The following LAPTM4B variants were observed in gnomAD, a reference collection of about 807,000 sequenced individuals.
The protein encoded by LAPTM4B is lysosomal-associated transmembrane protein 4B.
A neutral mutation model predicts 28.5 loss-of-function variants in LAPTM4B; 26 were observed. That is an observed-to-expected ratio of 0.91 (90% CI 0.67 to 1.27). LAPTM4B has a LOEUF of 1.27. LAPTM4B is among the 50% of genes most tolerant of loss of function. The pLI, the probability that LAPTM4B is intolerant of heterozygous loss-of-function variation, is 0.00. For missense variants in LAPTM4B, 288 were observed against 285.8 expected (o/e 1.01, Z -0.06); for synonymous variants, 109 against 106.4 (o/e 1.02, Z -0.15).
At chr8:97,819,606 CATT>C (rs1242371179) in intron 5 of LAPTM4B, among the ~76,000 whole-genome samples, 5 of 139,930 alleles carry the variant, frequency 3.6e-5, no homozygotes, top group Middle Eastern at 3.5e-3. Context: ...ATATGAATAT[CATT>C]ATTTAATAAA....
At chr8:97,820,947 A>G (rs1461065111) in intron 5 of LAPTM4B, among the ~76,000 whole-genome samples, 2 of 151,696 alleles carry the variant, frequency 1.3e-5, no homozygotes, top group African/African-American at 4.8e-5. Context: ...TGCTGGTGTC[A>G]AACTCCTGAC....
chr8:97,794,098 G>A (rs1816545287), intron 1 of LAPTM4B, among the ~76,000 whole-genome samples: 1 of 152,030 alleles, frequency 6.6e-6, no homozygotes, highest in African/African-American at 2.4e-5. Flanking sequence ...TCCTGCCTCA[G>A]CCTCCCAAGT....
chr8:97,840,511 C>T (rs1817328819), intron 6 of LAPTM4B, among the ~76,000 whole-genome samples: 2 of 152,094 alleles, frequency 1.3e-5, no homozygotes, highest in Admixed American at 1.3e-4. Flanking sequence ...CATTAGAACT[C>T]CCAAAAATGT....
intron 2 of LAPTM4B, among the ~76,000 whole-genome samples, chr8:97,807,472 A>C (rs1198851969): frequency 6.6e-6 from 1 of 152,188 alleles, no homozygotes; most frequent in Admixed American, 6.5e-5. Flanking sequence ...ACATGCTTAG[A>C]ATGGGGCCTG....
At chr8:97,810,974 A>C (rs1816817275) in intron 2 of LAPTM4B, among the ~76,000 whole-genome samples, 1 of 152,216 alleles carries the variant, frequency 6.6e-6, no homozygotes, top group African/African-American at 2.4e-5. Flanking sequence ...TAAGAGAAAG[A>C]CAGACACCTC....
chr8:97,789,072 T>A (rs867272309), intron 1 of LAPTM4B, among the ~76,000 whole-genome samples: 7 of 108,842 alleles, frequency 6.4e-5, no homozygotes, highest in African/African-American at 2.8e-4. Context: ...ATTTATTTAT[T>A]TATTTATTTA....
At chr8:97,778,630 C>T (rs933514589) in intron 1 of LAPTM4B, among the ~76,000 whole-genome samples, 1 of 152,138 alleles carries the variant, frequency 6.6e-6, no homozygotes, top group African/African-American at 2.4e-5. Context: ...CCCAAAGCCC[C>T]GCGTCTGTCA....
At chr8:97,843,384 G>A (rs533208396) in intron 6 of LAPTM4B, among the ~76,000 whole-genome samples, 21 of 152,132 alleles carry the variant, frequency 1.4e-4, no homozygotes, top group African/African-American at 2.4e-4. Context: ...CCAAGATTGC[G>A]CCATTGGACT....
chr8:97,796,897 G>A (rs905014969), intron 1 of LAPTM4B, among the ~76,000 whole-genome samples: 18 of 152,210 alleles, frequency 1.2e-4, no homozygotes, highest in African/African-American at 4.3e-4. Context: ...CTGAGATTGT[G>A]CCATTGCACT....
At chr8:97,782,063 C>T (rs999956649) in intron 1 of LAPTM4B, among the ~76,000 whole-genome samples, 16 of 151,360 alleles carry the variant, frequency 1.1e-4, no homozygotes, top group Non-Finnish European at 1.8e-4. Context: ...TCACCGCAAC[C>T]TCCGACTCCC....
chr8:97,843,632 TAGCC>T (rs1817384348), intron 6 of LAPTM4B, among the ~76,000 whole-genome samples: 1 of 151,780 alleles, frequency 6.6e-6, no homozygotes, highest in Admixed American at 6.6e-5. Flanking sequence ...ATACAAAAAT[TAGCC>T]AGGTGTGGTG....
chr8:97,837,754 G>A (rs530582720), intron 6 of LAPTM4B, among the ~76,000 whole-genome samples: 4 of 151,960 alleles, frequency 2.6e-5, no homozygotes, highest in African/African-American at 4.8e-5. Flanking sequence ...CCCAGGGGAC[G>A]GTGAGGGTAG....
intron 1 of LAPTM4B, among the ~76,000 whole-genome samples, chr8:97,779,011 C>T (rs1046703315): frequency 6.6e-6 from 1 of 152,176 alleles, no homozygotes; most frequent in Non-Finnish European, 1.5e-5. Context: ...CTAACCCTTT[C>T]TCTCAGCCAG....
chr8:97,827,942 T>C (rs1175396987), intron 6 of LAPTM4B, among the ~76,000 whole-genome samples: 1 of 152,060 alleles, frequency 6.6e-6, no homozygotes, highest in Admixed American at 6.5e-5. Context: ...TCTGTTACAA[T>C]GGTAGAATGT....
chr8:97,792,058 G>C (rs774247814), intron 1 of LAPTM4B, among the ~76,000 whole-genome samples: 4 of 151,964 alleles, frequency 2.6e-5, no homozygotes, highest in Non-Finnish European at 5.9e-5. Flanking sequence ...TTGAAATGAG[G>C]CTCTAATAAA....
intron 2 of LAPTM4B, 89 bp from the exon 3 acceptor site, chr8:97,815,239 C>A: frequency 2.2e-6 from 2 of 915,390 alleles, no homozygotes; most frequent in African/African-American, 1.6e-5. Context: ...AGTTTATTTA[C>A]AAAATGCCTT....
rs745566955 is a variant in LAPTM4B at position 97,781,524 on chromosome 8, C to T, written c.99+5416C>T. Among the ~76,000 whole-genome samples the T allele has an allele frequency of 3.5e-4, 53 of 151,934 alleles. 1 individual carries two copies. The Middle Eastern group carries it at 0.017, about 49-fold the overall frequency. ...AACTCCTGACCTCAGGTGATCCGCC[C>T]GCCTCGGCCTCCCACAGTGCTGGGA... On this transcript the variant is annotated intron_variant, in intron 1 of 6. Coordinates refer to ENST00000521545, the MANE Select transcript of LAPTM4B (RefSeq NM_018407.6).
intron 6 of LAPTM4B, among the ~76,000 whole-genome samples, chr8:97,828,427 C>T (rs756608775): frequency 6.6e-6 from 1 of 152,068 alleles, no homozygotes; most frequent in Non-Finnish European, 1.5e-5. Flanking sequence ...CCTGAAAAGA[C>T]AAGGTCCGAA....
At chr8:97,832,696 A>ATTTTAT (rs58497206) in intron 6 of LAPTM4B, among the ~76,000 whole-genome samples, 67,303 of 144,532 alleles carry the variant, frequency 0.47, 15,929 homozygotes, top group East Asian at 0.57. Context: ...ATTTTATTTT[A>ATTTTAT]TTTTATTTTT....
Sources: allele counts gnomAD v4.1 joint callset (sites outside exome capture counted in the v4.1 genomes callset), GRCh38; gene constraint gnomAD v4.1.1; transcripts MANE v1.5; gene names NCBI Gene and HGNC (gene_info 2026-07-23, HGNC 2026-07-21).